Variants in CHEK1 observed in about 807,000 individuals in gnomAD.
CHEK1 encodes the protein serine/threonine-protein kinase Chk1.
Under a neutral mutation model 60.2 loss-of-function variants are expected in CHEK1, and 32 were observed. The observed-to-expected ratio is 0.53, with a 90% CI of 0.40 to 0.71. The LOEUF is 0.71. Ranked by LOEUF, CHEK1 falls within the 30% of genes least tolerant of loss-of-function variation. The pLI, the probability that CHEK1 is intolerant of heterozygous loss-of-function variation, is 0.00. For synonymous variants in CHEK1, 179 were observed against 187.2 expected, an observed-to-expected ratio of 0.96 and a Z score of 0.36; for missense variants, 399 against 564.6, an observed-to-expected ratio of 0.71 and a Z score of 2.97.
At chr11:125,676,471 T>C (rs1199376123), downstream of CHEK1, 1 of 1,614,176 alleles carries the variant, frequency 6.2e-7, no homozygotes, top group Non-Finnish European at 8.5e-7. Context: ...AGCAATTTAA[T>C]ATTGTGCCTG....
chr11:125,643,469 G>A (rs1591408012), intron 8 of CHEK1: 1 of 179,038 alleles, frequency 5.6e-6, no homozygotes, highest in East Asian at 1.6e-4. Flanking sequence ...CTCCAGCCTG[G>A]GTGACAGAGC....
Position 125,625,877 on chromosome 11 carries a change from G to A in CHEK1, c.-156G>A, listed in dbSNP as rs1479304104. 1.0e-5 allele frequency: 7 copies of A among 702,546 alleles called. No homozygotes were observed. The highest frequency in any genetic ancestry group is 2.7e-5 in the East Asian group (1 of 37,294). 43.5% of individuals were successfully genotyped at this position (702,546 alleles called of 1,614,324 possible). ...CCTTTTGGAGCCGCCGACATTCAGA[G>A]GGGCAGGACACGGGAACGCGCGCTG... is the stretch of plus-strand genomic sequence containing the variant. On this transcript the variant is annotated 5_prime_UTR_variant, in exon 1 of 13. Coordinates refer to ENST00000438015, the MANE Select transcript of CHEK1 (RefSeq NM_001114122.3).
downstream of CHEK1, among the ~76,000 whole-genome samples, chr11:125,660,433 C>T (rs982034273): frequency 6.6e-6 from 1 of 152,000 alleles, no homozygotes; most frequent in African/African-American, 2.4e-5. Context: ...ATTATATTGC[C>T]TAGGCTACAC....
chr11:125,637,368 A>G, intron 7 of CHEK1, 81 bp from the exon 8 acceptor site: 1 of 1,043,440 alleles, frequency 9.6e-7, no homozygotes, highest in Non-Finnish European at 1.4e-6. Context: ...GTAGGCTAAC[A>G]GAAAATGTGT....
downstream of CHEK1, chr11:125,676,479 CT>C (rs769417599): frequency 1.8e-5 from 29 of 1,613,960 alleles, no homozygotes; most frequent in Non-Finnish European, 2.5e-5. Flanking sequence ...AATATTGTGC[CT>C]GAAAATTTAA....
In CHEK1 at chr11:125,653,083, C is replaced by T. The variant is rs11220175; in HGVS notation, c.1234-663C>T. ...GTGATGTTTAATTTTCTGTTCCTGG[C>T]TTATTTCACTTTACATAATGTCCTC... On this transcript the variant is annotated intron_variant, in intron 11 of 12. Coordinates refer to ENST00000438015, the MANE Select transcript of CHEK1 (RefSeq NM_001114122.3). This position sits in a 1 kb window ranked among gnomAD's most constrained non-coding sequence, Gnocchi z 4.3. Among the ~76,000 whole-genome samples, 1,345 of 152,220 alleles carry T rather than the reference C, an allele frequency of 8.8e-3. 21 individuals are homozygous for T. The highest frequency in any genetic ancestry group is 0.029 in the African/African-American group (1,199 of 41,534).
rs546350390 is a variant in CHEK1, at chr11:125,666,570, C to T, written c.*28-9358C>T. 2.4e-4 allele frequency among the ~76,000 whole-genome samples: 36 copies of T among 152,122 alleles called. 1 individual carries two copies. Among genetic ancestry groups the T allele is most frequent in the African/African-American group, 7.7e-4 (32 of 41,510 alleles). ...TGTTTCTTTGATGATCTGGATGATC[C>T]GTTCACTGCCAAAGTGGGTTGTTGA... On this transcript the variant is annotated intron_variant, in intron 13 of 13. Coordinates refer to the CHEK1 transcript ENST00000428830.
intron 3 of CHEK1, 98 bp from the exon 4 acceptor site, chr11:125,629,134 T>C (rs1293261450): frequency 1.3e-5 from 16 of 1,192,682 alleles, no homozygotes; most frequent in Non-Finnish European, 1.9e-5. Flanking sequence ...TCTGTTTGCC[T>C]AAGCACATTT....
chr11:125,631,867 A>AAAAAAAAAAAAAAAAAAAAAAAG (rs1940877218), intron 5 of CHEK1, among the ~76,000 whole-genome samples: 1 of 148,796 alleles, frequency 6.7e-6, no homozygotes, highest in African/African-American at 2.4e-5. Flanking sequence ...TTCTCAAAAA[A>AAAAAAAAAAAAAAAAAAAAAAAG]AAAAAAAAAA....
downstream of CHEK1, chr11:125,680,879 C>T (rs1942767734): frequency 1.2e-5 from 12 of 986,782 alleles, no homozygotes; most frequent in South Asian, 1.5e-4. Context: ...TGAAGCAGAG[C>T]TTCTGGGAAT....
intron 13 of CHEK1, chr11:125,672,771 G>A (rs571437098): frequency 6.2e-7 from 1 of 1,605,152 alleles, no homozygotes; most frequent in African/African-American, 1.3e-5. Flanking sequence ...TCCAACCTTA[G>A]CCTTTATCTG....
chr11:125,654,253 C>T (rs1591421747), intron 12 of CHEK1, among the ~76,000 whole-genome samples: 2 of 152,058 alleles, frequency 1.3e-5, no homozygotes, highest in Admixed American at 6.5e-5. Flanking sequence ...TCATTTGAAC[C>T]TGGGAGGCGG....
In CHEK1 at chr11:125,625,638, G is replaced by C; in HGVS notation, c.-395G>C. 3 of 595,666 alleles carry C rather than the reference G, an allele frequency of 5.0e-6. No homozygotes were observed. The highest frequency in any genetic ancestry group is 9.0e-6 in the Non-Finnish European group (3 of 332,978). The allele number at this position is 595,666 out of a possible 1,614,324, so 36.9% of individuals were successfully genotyped here. Reference sequence around the variant, plus strand: ...GCAGCCCCGCCTGGAAGCGCAGCGCGGTCGGTCGCGCGCCCCTGAGGCTTG... The same window carrying C: ...GCAGCCCCGCCTGGAAGCGCAGCGCCGTCGGTCGCGCGCCCCTGAGGCTTG... On this transcript the variant is annotated 5_prime_UTR_variant, in exon 1 of 13. Transcript: ENST00000438015.
chr11:125,678,601 G>A (rs1565397193), downstream of CHEK1, among the ~76,000 whole-genome samples: 1 of 152,016 alleles, frequency 6.6e-6, no homozygotes, highest in Non-Finnish European at 1.5e-5. Context: ...ACCCCTGAAG[G>A]AAAATGAATG....
At chr11:125,662,163 A>G (rs1444058494) in intron 13 of CHEK1, among the ~76,000 whole-genome samples, 2 of 152,242 alleles carry the variant, frequency 1.3e-5, no homozygotes, top group African/African-American at 4.8e-5. Flanking sequence ...TGTGTGGCTT[A>G]TAAACAACAA....
At chr11:125,649,957 C>T (rs1042039965) in intron 11 of CHEK1, 3 of 152,168 alleles carry the variant, frequency 2.0e-5, no homozygotes, top group Non-Finnish European at 2.9e-5. Context: ...TACTGAGGAT[C>T]TCTTTTATGT....
chr11:125,636,733 T>G (rs1231815222), intron 7 of CHEK1, among the ~76,000 whole-genome samples: 1 of 151,742 alleles, frequency 6.6e-6, no homozygotes, highest in Non-Finnish European at 1.5e-5. Context: ...TTTTTTTTCC[T>G]TGATAACACA....
intron 11 of CHEK1, among the ~76,000 whole-genome samples, chr11:125,648,080 A>C (rs1191606199): frequency 6.8e-6 from 1 of 146,230 alleles, no homozygotes; most frequent in Non-Finnish European, 1.5e-5. Flanking sequence ...CAAGTCTTGC[A>C]CTTCCTAGGT....
chr11:125,651,286 CTT>C (rs59057522), intron 11 of CHEK1, among the ~76,000 whole-genome samples: 25,076 of 127,586 alleles, frequency 0.2, 2,054 homozygotes, highest in Middle Eastern at 0.24. Context: ...AGACAAGCCT[CTT>C]TTTTTTTTTT....
Sources: allele counts gnomAD v4.1 joint callset (sites outside exome capture counted in the v4.1 genomes callset), GRCh38; gene constraint gnomAD v4.1.1; non-coding constraint Gnocchi (gnomAD v3.1); transcripts MANE v1.5; gene names NCBI Gene and HGNC (gene_info 2026-07-23, HGNC 2026-07-21).